Variants in FMN1 observed in about 807,000 individuals in gnomAD.
FMN1 encodes formin 1.
FMN1 carries 110 observed loss-of-function variants against 132.4 expected under a neutral mutation model. The observed-to-expected ratio is 0.83, with a 90% CI of 0.71 to 0.97. FMN1 has a LOEUF of 0.97. FMN1 is among the 50% of genes least tolerant of loss of function. The pLI is 0.00. For synonymous variants in FMN1, 722 were observed against 651.7 expected, an observed-to-expected ratio of 1.11 and a Z score of -1.64; for missense variants, 1,792 against 1,705.3, an observed-to-expected ratio of 1.05 and a Z score of -0.90.
At position 32,879,589 on chromosome 15, in the gene FMN1, C is replaced by T. The variant is rs375703520; in HGVS notation, c.3835+8583G>A. Among the ~76,000 whole-genome samples the T allele has an allele frequency of 8.7e-4, 132 of 152,284 alleles. No individual in the cohort carries two copies. In the South Asian group the frequency reaches 0.026, roughly 30 times the overall value. ...GTACTACCTCACACCTCCTGAGGTA[C>T]TTCCTCAGGCATCGCCTCATCTGAC... On this transcript the variant is annotated intron_variant, in intron 16 of 20. Transcript: ENST00000616417.
intron 7 of FMN1, among the ~76,000 whole-genome samples, chr15:33,003,403 A>G (rs981505197): frequency 6.6e-6 from 1 of 152,156 alleles, no homozygotes; most frequent in African/African-American, 2.4e-5. Flanking sequence ...TTATACACCA[A>G]TAACAGACAG....
chr15:33,032,817 T>A (rs2035998016), intron 6 of FMN1, among the ~76,000 whole-genome samples: 1 of 152,074 alleles, frequency 6.6e-6, no homozygotes, highest in Non-Finnish European at 1.5e-5. Context: ...AAATCCTAGC[T>A]ACCATTTACA....
At chr15:33,159,666 G>A (rs936715861) in intron 3 of FMN1, among the ~76,000 whole-genome samples, 5 of 152,194 alleles carry the variant, frequency 3.3e-5, no homozygotes, top group Non-Finnish European at 7.3e-5. Context: ...AGGCTTTGAA[G>A]TATCAACCAA....
chr15:32,988,882 A>C (rs768415637), intron 7 of FMN1, among the ~76,000 whole-genome samples: 5 of 152,222 alleles, frequency 3.3e-5, no homozygotes. Context: ...AAATTCAAGT[A>C]AGTCTATGTT....
At chr15:33,093,659 T>C (rs975055805) in intron 4 of FMN1, among the ~76,000 whole-genome samples, 4 of 152,198 alleles carry the variant, frequency 2.6e-5, no homozygotes, top group Non-Finnish European at 5.9e-5. Flanking sequence ...CACCCCAGCC[T>C]CTAACTCCTC....
chr15:32,875,289 C>G (rs189388053), intron 16 of FMN1, among the ~76,000 whole-genome samples: 1 of 151,824 alleles, frequency 6.6e-6, no homozygotes, highest in Admixed American at 6.6e-5. Flanking sequence ...GGTAACAGAC[C>G]CCCTGCCCTT....
intron 9 of FMN1, among the ~76,000 whole-genome samples, chr15:32,952,599 G>A (rs1167031472): frequency 6.6e-6 from 1 of 152,136 alleles, no homozygotes; most frequent in East Asian, 1.9e-4. Context: ...TTAAACTAAG[G>A]AAGTTGTACA....
chr15:33,128,497 C>CA (rs1963341122), intron 4 of FMN1, among the ~76,000 whole-genome samples: 1 of 152,190 alleles, frequency 6.6e-6, no homozygotes, highest in Non-Finnish European at 1.5e-5. Context: ...TGCAAGTTCT[C>CA]AGAGTCATTA....
intron 9 of FMN1, among the ~76,000 whole-genome samples, chr15:32,948,113 C>T (rs943500816): frequency 3.3e-5 from 5 of 151,970 alleles, no homozygotes; most frequent in African/African-American, 1.2e-4. Flanking sequence ...TATTCCCTTA[C>T]AATCTTAGTT....
Position 32,893,169 on chromosome 15 carries a change from A to C in FMN1, c.3715-4877T>G, listed in dbSNP as rs77860285. The stretch of plus-strand genomic sequence containing the variant: ...TAGTTTTCTTCATTTTATCAGACAC[A>C]ATGTACTTTTTTCCCCCATCTTCAT... On this transcript the variant is annotated intron_variant, in intron 15 of 20. Coordinates refer to ENST00000616417, the MANE Select transcript of FMN1 (RefSeq NM_001277313.2). Among the ~76,000 whole-genome samples, 453 of 152,324 alleles carry C rather than the reference A, an allele frequency of 3.0e-3. 2 individuals are homozygous for C. The highest frequency in any genetic ancestry group is 1.0e-2 in the African/African-American group (415 of 41,558).
intron 9 of FMN1, among the ~76,000 whole-genome samples, chr15:32,947,305 G>A (rs2061531399): frequency 6.6e-6 from 1 of 151,926 alleles, no homozygotes; most frequent in Non-Finnish European, 1.5e-5. Flanking sequence ...TACCACATTT[G>A]TCATGTATTA....
At chr15:32,941,055 G>A (rs1469480940) in intron 9 of FMN1, among the ~76,000 whole-genome samples, 1 of 151,992 alleles carries the variant, frequency 6.6e-6, no homozygotes, top group Non-Finnish European at 1.5e-5. Context: ...TTATCCCCAC[G>A]TAACATAAAA....
At chr15:33,165,929 G>A (rs1161082405) in intron 3 of FMN1, among the ~76,000 whole-genome samples, 4 of 152,140 alleles carry the variant, frequency 2.6e-5, no homozygotes, top group African/African-American at 7.2e-5. Context: ...TTTGGTTGTT[G>A]TTGTTAAAAT....
At chr15:32,991,093 C>A (rs1253566984) in intron 7 of FMN1, among the ~76,000 whole-genome samples, 2 of 152,100 alleles carry the variant, frequency 1.3e-5, no homozygotes, top group Non-Finnish European at 1.5e-5. Flanking sequence ...CAGCCACCTG[C>A]CTTTCTTTTC....
At chr15:32,848,977 GTTTTTT>G (rs71113479) in intron 17 of FMN1, among the ~76,000 whole-genome samples, 21 of 89,574 alleles carry the variant, frequency 2.3e-4, no homozygotes, top group African/African-American at 4.8e-4. Flanking sequence ...GTTCTCTTTT[GTTTTTT>G]TTTTTTTTTT....
chr15:32,879,982 A>AGGTAC (rs1278345232), intron 16 of FMN1, among the ~76,000 whole-genome samples: 3 of 152,070 alleles, frequency 2.0e-5, no homozygotes, highest in Non-Finnish European at 4.4e-5. Flanking sequence ...TCCTCCTCAG[A>AGGTAC]GGCTACCTCT....
chr15:33,144,363 A>G (rs796330047), intron 4 of FMN1, among the ~76,000 whole-genome samples: 1 of 152,142 alleles, frequency 6.6e-6, no homozygotes, highest in South Asian at 2.1e-4. Flanking sequence ...TAGGCCGGGC[A>G]TGGTGGCTCA....
Position 33,059,539 on chromosome 15 carries a change from C to T in FMN1, c.2161+5418G>A, listed in dbSNP as rs568489371. ...AATGCTTCTGATCCCATGTATTTTC[C>T]TTGTTGGATCTTTAGATACTGGTAC... is the stretch of plus-strand genomic sequence containing the variant. On this transcript the variant is annotated intron_variant, in intron 6 of 20. Coordinates refer to ENST00000616417, the MANE Select transcript of FMN1 (RefSeq NM_001277313.2). Among the ~76,000 whole-genome samples the T allele has an allele frequency of 3.9e-5, 6 of 152,146 alleles. No homozygotes were observed. The South Asian group carries it at 1.2e-3, about 32-fold the overall frequency.
chr15:32,903,307 T>A (rs1485068004), intron 12 of FMN1, among the ~76,000 whole-genome samples: 1 of 152,206 alleles, frequency 6.6e-6, no homozygotes, highest in African/African-American at 2.4e-5. Context: ...GAATTCTGCA[T>A]TAGGACAAGA....
Sources: gnomAD v4.1 joint callset for allele counts (sites outside exome capture counted in the v4.1 genomes callset) on GRCh38, gnomAD v4.1.1 for gene constraint, MANE v1.5 for transcripts, NCBI Gene and HGNC (gene_info 2026-07-23, HGNC 2026-07-21) for gene names.